Variants in SLC17A1 observed in about 807,000 individuals in gnomAD.
SLC17A1 encodes sodium-dependent phosphate transport protein 1.
In SLC17A1, 51 loss-of-function variants were observed where a neutral mutation model predicts 53.5. That is an observed-to-expected ratio of 0.95 (90% CI 0.76 to 1.20). The LOEUF is 1.20. SLC17A1 is among the 50% of genes most tolerant of loss of function. The pLI, the probability that SLC17A1 is intolerant of heterozygous loss-of-function variation, is 0.00. For synonymous variants in SLC17A1, 179 were observed against 198.8 expected (o/e 0.90, Z 0.84); for missense variants, 538 against 568.2 (o/e 0.95, Z 0.54).
the SLC17A1 span, chr6:25,726,352 A>C: frequency 1.2e-6 from 2 of 1,614,026 alleles, no homozygotes; most frequent in East Asian, 4.5e-5. Context: ...TTCTGCTGTG[A>C]GATACTCTAA....
the SLC17A1 span, among the ~76,000 whole-genome samples, chr6:25,741,101 A>G: frequency 6.6e-6 from 1 of 152,230 alleles, no homozygotes; most frequent in African/African-American, 2.4e-5. Flanking sequence ...TTGATAGCAC[A>G]GTAGGATGAG....
At chr6:25,734,998 A>G in the SLC17A1 span, among the ~76,000 whole-genome samples, 3 of 152,300 alleles carry the variant, frequency 2.0e-5, no homozygotes, top group South Asian at 6.2e-4. Flanking sequence ...AGAGCCACAC[A>G]CCCTTTCAGA....
the SLC17A1 span, among the ~76,000 whole-genome samples, chr6:25,743,633 A>G: frequency 6.6e-6 from 1 of 152,154 alleles, no homozygotes; most frequent in Non-Finnish European, 1.5e-5. Context: ...TATTAAGAAA[A>G]ACTATATTGT....
intron 10 of SLC17A1, among the ~76,000 whole-genome samples, chr6:25,810,407 C>T (rs1764112158): frequency 6.6e-6 from 1 of 151,862 alleles, no homozygotes; most frequent in Admixed American, 6.6e-5. Flanking sequence ...AACTCAAACT[C>T]AATAACAAGA....
the SLC17A1 span, among the ~76,000 whole-genome samples, chr6:25,759,132 C>A: frequency 6.6e-6 from 1 of 152,058 alleles, no homozygotes; most frequent in Non-Finnish European, 1.5e-5. Context: ...GAGTTGATTT[C>A]CAATTTTATT....
At chr6:25,828,646 T>A (rs1764836409) in intron 2 of SLC17A1, among the ~76,000 whole-genome samples, 1 of 152,086 alleles carries the variant, frequency 6.6e-6, no homozygotes, top group African/African-American at 2.4e-5. Context: ...TCTTTATAAT[T>A]TTCATAAGAC....
At chr6:25,725,874 G>C in the SLC17A1 span, among the ~76,000 whole-genome samples, 3 of 152,062 alleles carry the variant, frequency 2.0e-5, no homozygotes, top group Admixed American at 6.6e-5. Flanking sequence ...GCTCACAAGC[G>C]TTAAGCCACC....
At chr6:25,820,144 G>C (rs1764502228) in intron 3 of SLC17A1, among the ~76,000 whole-genome samples, 1 of 152,084 alleles carries the variant, frequency 6.6e-6, no homozygotes, top group Non-Finnish European at 1.5e-5. Context: ...GACACCATCT[G>C]TACCTCCCTC....
rs769772393 is a variant in SLC17A1, at chr6:25,813,133, T to C, written c.697A>G (p.Ser233Gly). The change falls in exon 7 of 13, where the codon AGT (serine) becomes GGT (glycine). Residue 233 changes from serine (S) to glycine (G), a missense_variant. Coordinates refer to ENST00000244527, the MANE Select transcript of SLC17A1 (RefSeq NM_005074.5). ...DPKDHPCISISEKEYITSSLV... is the reference protein window; with the variant it reads ...DPKDHPCISIGEKEYITSSLV... ...GAGGATGTGATGTATTCCTTTTCAC[T>C]GATGCTTATACATGGGTGGTCTTTG... The C allele has an allele frequency of 1.5e-5, 25 of 1,614,062 alleles. No homozygotes were observed. The East Asian group carries it at 5.3e-4, about 35-fold the overall frequency.
At chr6:25,723,795 T>TG in the SLC17A1 span, among the ~76,000 whole-genome samples, 2 of 152,126 alleles carry the variant, frequency 1.3e-5, no homozygotes, top group South Asian at 4.2e-4. Context: ...AGAGGAAGGC[T>TG]GTTGGGGGGG....
At chr6:25,749,220 A>G in the SLC17A1 span, among the ~76,000 whole-genome samples, 41,328 of 152,170 alleles carry the variant, frequency 0.27, 6,830 homozygotes, top group East Asian at 0.7. Context: ...TATTGAGAAT[A>G]GAGAATGGCG....
the SLC17A1 span, among the ~76,000 whole-genome samples, chr6:25,760,049 T>A: frequency 6.6e-6 from 1 of 152,220 alleles, no homozygotes; most frequent in South Asian, 2.1e-4. Context: ...AGTGGGAGGA[T>A]GCAGCTTGAC....
At chr6:25,769,244 A>G in the SLC17A1 span, 1 of 1,494,024 alleles carries the variant, frequency 6.7e-7, no homozygotes, top group Non-Finnish European at 9.2e-7. Context: ...TTTGACTTAA[A>G]GAGTTATAAA....
At chr6:25,768,263 T>G in the SLC17A1 span, 1 of 483,080 alleles carries the variant, frequency 2.1e-6, no homozygotes, top group Non-Finnish European at 2.7e-6. Context: ...GAGCATTTGC[T>G]CCCTTTCAGG....
At chr6:25,827,813 G>GA (rs1764806248) in intron 2 of SLC17A1, among the ~76,000 whole-genome samples, 3 of 152,280 alleles carry the variant, frequency 2.0e-5, no homozygotes, top group South Asian at 4.1e-4. Flanking sequence ...AATCTTGAGA[G>GA]AAAACTTAGA....
intron 6 of SLC17A1, among the ~76,000 whole-genome samples, chr6:25,814,102 G>A (rs575052136): frequency 5.3e-5 from 8 of 152,320 alleles, no homozygotes; most frequent in Admixed American, 1.3e-4. Flanking sequence ...AGTTCTATAA[G>A]AGTTTGACAA....
the SLC17A1 span, chr6:25,726,804 T>C: frequency 2.2e-6 from 3 of 1,366,504 alleles, no homozygotes; most frequent in South Asian, 1.4e-5. Flanking sequence ...GACTTGGAGC[T>C]GAGGTCATTT....
chr6:25,755,739 C>T, the SLC17A1 span, among the ~76,000 whole-genome samples: 1 of 152,168 alleles, frequency 6.6e-6, no homozygotes, highest in African/African-American at 2.4e-5. Flanking sequence ...ACAAAACTTA[C>T]CTGTCAATCT....
chr6:25,823,356 A>G (rs916916187), intron 3 of SLC17A1, among the ~76,000 whole-genome samples: 2 of 152,092 alleles, frequency 1.3e-5, no homozygotes, highest in East Asian at 3.8e-4. Flanking sequence ...GCTGTCTCAT[A>G]TGGTAGGCAT....
Sources: allele counts gnomAD v4.1 joint callset (sites outside exome capture counted in the v4.1 genomes callset), GRCh38; gene constraint gnomAD v4.1.1; transcripts MANE v1.5; gene names NCBI Gene and HGNC (gene_info 2026-07-23, HGNC 2026-07-21).